Variants in F8 observed in about 807,000 individuals in gnomAD.
F8 encodes the protein coagulation factor VIII.
A neutral mutation model predicts 140.6 loss-of-function variants in F8; 12 were observed. The ratio of observed to expected loss-of-function variants is 0.09; its 90% CI spans 0.05 to 0.14. F8 has a LOEUF of 0.14. Among genes scored for constraint, F8 ranks in the 10% least tolerant of loss-of-function variants. The pLI, the probability that F8 is intolerant of heterozygous loss-of-function variation, is 1.00. For missense variants in F8, 1,354 were observed against 1,720.7 expected, an observed-to-expected ratio of 0.79 and a Z score of 3.77; for synonymous variants, 585 against 614.6, an observed-to-expected ratio of 0.95 and a Z score of 0.71.
At chrX:154,958,262 A>G (rs1191090572) in intron 10 of F8, among the ~76,000 whole-genome samples, 2 of 111,778 alleles carry the variant, frequency 1.8e-5, no homozygotes, top group Middle Eastern at 4.6e-3. Flanking sequence ...CCAAGACTCT[A>G]TTGGTTCTGC....
intron 13 of F8, among the ~76,000 whole-genome samples, chrX:154,934,424 A>C (rs921100058): frequency 2.7e-5 from 3 of 111,856 alleles, no homozygotes; most frequent in Non-Finnish European, 5.6e-5. Flanking sequence ...CAAGTATTAT[A>C]CTTTGATATG....
At chrX:154,888,551 C>T (rs2072917519) in intron 22 of F8, among the ~76,000 whole-genome samples, 3 of 84,283 alleles carry the variant, frequency 3.6e-5, no homozygotes, top group East Asian at 3.6e-4. Context: ...TGCACCACCA[C>T]GCTGGGCTAA....
At chrX:155,016,783 T>A (rs1484053111) in intron 1 of F8, among the ~76,000 whole-genome samples, 3 of 112,528 alleles carry the variant, frequency 2.7e-5, no homozygotes, top group Non-Finnish European at 3.8e-5. Flanking sequence ...GGAGGGTTGA[T>A]GTAAATGCAT....
intron 6 of F8, among the ~76,000 whole-genome samples, chrX:154,975,470 T>C (rs1293045422): frequency 8.9e-6 from 1 of 112,373 alleles, no homozygotes; most frequent in East Asian, 2.8e-4. Context: ...AAGACTTGCT[T>C]TGTGGCCTAA....
chrX:154,850,119 G>A (rs868906954), intron 25 of F8, among the ~76,000 whole-genome samples: 4 of 100,118 alleles, frequency 4.0e-5, no homozygotes, highest in Admixed American at 1.1e-4. Flanking sequence ...GTGTGTGTGT[G>A]TATTTTTTTT....
intron 11 of F8, among the ~76,000 whole-genome samples, chrX:154,955,469 T>C (rs2073360529): frequency 9.2e-6 from 1 of 109,151 alleles, no homozygotes; most frequent in Non-Finnish European, 1.9e-5. Flanking sequence ...TATTAAGCTC[T>C]TACTAAGTGA....
At chrX:154,996,485 C>T in intron 3 of F8, among the ~76,000 whole-genome samples, 1 of 111,852 alleles carries the variant, frequency 8.9e-6, no homozygotes, top group Non-Finnish European at 1.9e-5. Flanking sequence ...TTTCAAAATG[C>T]TAGTGCAAGT....
rs781804747 is a variant in F8 at position 154,982,045 on chromosome X, G to A, written c.787+2642C>T. Among the ~76,000 whole-genome samples, 18 of 109,609 alleles carry A rather than the reference G, an allele frequency of 1.6e-4. 1 individual carries two copies. The South Asian group carries it at 6.3e-3, about 38-fold the overall frequency. On this transcript the variant is annotated intron_variant, in intron 6 of 25. Transcript: ENST00000360256. ...CTAAAACTACAAAAATTAGGTGGGC[G>A]TGGTGGCACATGCCTGTAATCCCAG... is the stretch of plus-strand genomic sequence containing the variant.
chrX:154,861,911 G>C lies in F8; in HGVS notation c.6575-45C>G, dbSNP rs1358860569. On this transcript the variant is annotated intron_variant, in intron 23 of 25. Transcript: ENST00000360256. ...AAGGTTATCACAAGGACATGCTTCA[G>C]CCTCAGTTATACTGAGCAGCTTCCA... The C allele has an allele frequency of 5.1e-6, 6 of 1,186,059 alleles. No homozygotes were observed. In the East Asian group the frequency reaches 1.8e-4, roughly 35 times the overall value.
At chrX:154,911,071 C>T (rs2073064502) in intron 14 of F8, among the ~76,000 whole-genome samples, 1 of 108,935 alleles carries the variant, frequency 9.2e-6, no homozygotes, top group African/African-American at 3.4e-5. Context: ...CCACTATTAC[C>T]CTATTGTTCT....
At chrX:154,895,045 C>T (rs1222783845) in intron 22 of F8, among the ~76,000 whole-genome samples, 2 of 111,499 alleles carry the variant, frequency 1.8e-5, no homozygotes, top group African/African-American at 6.5e-5. Context: ...TGGTACACAG[C>T]AATAGTAGCT....
At chrX:154,951,425 C>T (rs1557280726) in intron 12 of F8, among the ~76,000 whole-genome samples, 2 of 111,389 alleles carry the variant, frequency 1.8e-5, no homozygotes, top group African/African-American at 6.5e-5. Context: ...ACTTTTCTTC[C>T]TCTGTATCCC....
At chrX:154,913,368 G>A (rs1399660400) in intron 14 of F8, among the ~76,000 whole-genome samples, 1 of 111,109 alleles carries the variant, frequency 9.0e-6, no homozygotes, top group Non-Finnish European at 1.9e-5. Flanking sequence ...TTCCACCCAT[G>A]GCCCCTCCCA....
chrX:155,001,312 CTTTTT>C (rs35281198), intron 1 of F8, among the ~76,000 whole-genome samples: 3 of 75,956 alleles, frequency 3.9e-5, no homozygotes, highest in Non-Finnish European at 7.3e-5. Flanking sequence ...TATCGTAAAT[CTTTTT>C]TTTTTTTTTT....
At position 154,984,691 on chromosome X, in the gene F8, C is replaced by G; in HGVS notation, c.783G>C (p.Leu261=). ...GTTGAGCAGGTGTGTACATACCTGG[C>G]AGAGACCTGTTTACATAACCATTGA... ...HTVNGYVNRS[L]PGLIGCHRKS... Residue 261 remains leucine, a synonymous_variant, in exon 6 of 26, where the codon CTG becomes CTC. Transcript: ENST00000360256. The G allele has an allele frequency of 8.3e-7, 1 of 1,201,845 alleles. No individual in the cohort carries two copies.
At chrX:154,915,063 C>A (rs781964699) in intron 14 of F8, among the ~76,000 whole-genome samples, 1 of 111,644 alleles carries the variant, frequency 9.0e-6, no homozygotes, top group Non-Finnish European at 1.9e-5. Context: ...TGGTGGAAGG[C>A]GTAGGGGAAG....
chrX:154,926,262 G>A (rs1228645528), intron 14 of F8, among the ~76,000 whole-genome samples: 1 of 112,011 alleles, frequency 8.9e-6, no homozygotes, highest in Non-Finnish European at 1.9e-5. Flanking sequence ...GTCTTTATTA[G>A]CAGTGTGAAA....
chrX:154,966,321 T>C, intron 8 of F8, 105 bp downstream of exon 8: 4 of 1,043,108 alleles, frequency 3.8e-6, no homozygotes, highest in Non-Finnish European at 5.2e-6. Context: ...ATTCCATACC[T>C]GTACCTAACC....
chrX:154,982,244 G>T (rs781928527), intron 6 of F8, among the ~76,000 whole-genome samples: 1 of 105,284 alleles, frequency 9.5e-6, no homozygotes, highest in East Asian at 3.0e-4. Flanking sequence ...TCAGGAGATC[G>T]AGACCATCCT....
Sources: gnomAD v4.1 joint callset for allele counts (sites outside exome capture counted in the v4.1 genomes callset) on GRCh38, gnomAD v4.1.1 for gene constraint, MANE v1.5 for transcripts, NCBI Gene and HGNC (gene_info 2026-07-23, HGNC 2026-07-21) for gene names.